The following NAV3 variants were observed in gnomAD, a reference collection of about 807,000 sequenced individuals.
The protein encoded by NAV3 is neuron navigator 3, also known as pore membrane and/or filament interacting like protein 1.
A neutral mutation model predicts 244.7 loss-of-function variants in NAV3; 87 were observed. That is an observed-to-expected ratio of 0.36 (90% CI 0.30 to 0.42). The LOEUF is 0.42. Among genes scored for constraint, NAV3 ranks in the 20% least tolerant of loss-of-function variants. NAV3 has a pLI of 1.00. For synonymous variants in NAV3, 1,126 were observed against 1,042.2 expected (o/e 1.08, Z -1.55); for missense variants, 2,663 against 2,893.3 (o/e 0.92, Z 1.83).
chr12:78,132,673 C>A (rs925962859), intron 18 of NAV3, among the ~76,000 whole-genome samples: 1 of 152,050 alleles, frequency 6.6e-6, no homozygotes, highest in Admixed American at 6.6e-5. Context: ...GTTGTTTTTC[C>A]TGTAGACTTT....
chr12:78,155,113 A>T (rs1318410184), intron 22 of NAV3, among the ~76,000 whole-genome samples: 1 of 151,972 alleles, frequency 6.6e-6, no homozygotes, highest in East Asian at 1.9e-4. Context: ...TGCACAGATC[A>T]ACTCATCGCC....
chr12:78,121,844 C>T (rs1336397450), intron 15 of NAV3, 96 bp from the exon 16 acceptor site: 2 of 1,479,278 alleles, frequency 1.4e-6, no homozygotes, highest in Non-Finnish European at 1.8e-6. Context: ...TTCAGTACAT[C>T]AAAGCACACT....
intron 8 of NAV3, among the ~76,000 whole-genome samples, chr12:78,018,215 G>A (rs1385654451): frequency 6.6e-6 from 1 of 152,080 alleles, no homozygotes. Context: ...GAGTGAGTCT[G>A]CCAAAAATAT....
At chr12:77,995,530 T>G (rs17044673) in intron 6 of NAV3, among the ~76,000 whole-genome samples, 4,108 of 152,244 alleles carry the variant, frequency 0.027, 77 homozygotes, top group Non-Finnish European at 0.042. Flanking sequence ...GCAAAAGAGT[T>G]TTATACCTCT....
intron 1 of NAV3, among the ~76,000 whole-genome samples, chr12:77,931,791 C>G (rs1375280580): frequency 6.6e-6 from 1 of 152,042 alleles, no homozygotes; most frequent in Non-Finnish European, 1.5e-5. Flanking sequence ...GGCGTGAACC[C>G]GGGAGGAGGA....
intron 5 of NAV3, among the ~76,000 whole-genome samples, chr12:77,977,510 G>T (rs1868667793): frequency 6.6e-6 from 1 of 151,992 alleles, no homozygotes. Context: ...ACTACGGTTT[G>T]GTTCTCCTCC....
intron 5 of NAV3, among the ~76,000 whole-genome samples, chr12:77,992,039 T>C: frequency 6.6e-6 from 1 of 151,826 alleles, no homozygotes; most frequent in Non-Finnish European, 1.5e-5. Context: ...AAAACGAATA[T>C]TTTATAAAGG....
intron 2 of NAV3, among the ~76,000 whole-genome samples, chr12:77,746,771 A>C (rs1444919253): frequency 6.6e-6 from 1 of 152,152 alleles, no homozygotes; most frequent in Non-Finnish European, 1.5e-5. Context: ...TGATTCAAAG[A>C]AGTAGCCAAC....
chr12:77,902,854 C>T (rs1325417021), intron 1 of NAV3, among the ~76,000 whole-genome samples: 2 of 152,052 alleles, frequency 1.3e-5, no homozygotes, highest in Non-Finnish European at 2.9e-5. Context: ...CAATAGCAGA[C>T]AAACAGAGAG....
At chr12:77,694,678 A>G (rs1255827879) in intron 2 of NAV3, among the ~76,000 whole-genome samples, 1 of 152,182 alleles carries the variant, frequency 6.6e-6, no homozygotes, top group Non-Finnish European at 1.5e-5. Context: ...TCAAAAAAGT[A>G]TTCTGACATT....
chr12:78,128,015 A>G (rs1360843821), intron 17 of NAV3, among the ~76,000 whole-genome samples: 2 of 152,172 alleles, frequency 1.3e-5, no homozygotes, highest in Non-Finnish European at 2.9e-5. Context: ...TTTTGGTGCT[A>G]AGAATTTACT....
intron 26 of NAV3, 45 bp downstream of exon 26, chr12:78,176,504 C>G: frequency 6.2e-7 from 1 of 1,603,592 alleles, no homozygotes; most frequent in Non-Finnish European, 8.5e-7. Context: ...TATAAAAAAA[C>G]CCTACCTTGG....
chr12:77,838,176 G>A (rs553956746), intron 1 of NAV3, among the ~76,000 whole-genome samples: 1 of 152,258 alleles, frequency 6.6e-6, no homozygotes, highest in South Asian at 2.1e-4. Context: ...AACTCTCCAG[G>A]TTTCACAGTT....
intron 14 of NAV3, 79 bp downstream of exon 14, chr12:78,118,376 A>C: frequency 1.3e-6 from 2 of 1,491,042 alleles, no homozygotes; most frequent in Non-Finnish European, 1.8e-6. Context: ...TTCTCTAACA[A>C]TAGCATTTCT....
Position 77,665,650 on chromosome 12 carries a change from T to C in NAV3, c.72+93384T>C, listed in dbSNP as rs1325675343. On this transcript the variant is annotated intron_variant, in intron 2 of 8. Transcript: ENST00000550042. ...TAAATATAAACTATTAAACATCTAC[T>C]TTATACCAGGCTTAAAGCATCATTT... is the stretch of plus-strand genomic sequence containing the variant. Among the ~76,000 whole-genome samples, 8 of 152,164 alleles carry C rather than the reference T, an allele frequency of 5.3e-5. No individual in the cohort carries two copies. The South Asian group carries it at 1.7e-3, about 31-fold the overall frequency.
intron 1 of NAV3, among the ~76,000 whole-genome samples, chr12:77,842,360 C>A (rs774901186): frequency 6.6e-6 from 1 of 151,946 alleles, no homozygotes; most frequent in Non-Finnish European, 1.5e-5. Context: ...ATCCTGAAAG[C>A]AGGTCTCTCT....
intron 3 of NAV3, among the ~76,000 whole-genome samples, chr12:77,962,888 G>T (rs1593132329): frequency 6.6e-6 from 1 of 152,038 alleles, no homozygotes; most frequent in Admixed American, 6.6e-5. Context: ...TGCATATTGG[G>T]TTGTGCTATT....
At chr12:78,027,985 G>A (rs1878367880) in intron 9 of NAV3, among the ~76,000 whole-genome samples, 2 of 151,776 alleles carry the variant, frequency 1.3e-5, no homozygotes, top group Admixed American at 6.6e-5. Context: ...TTTTTTTATA[G>A]CACAGAAAGT....
At chr12:77,853,629 A>G (rs576396780) in intron 1 of NAV3, among the ~76,000 whole-genome samples, 2 of 152,322 alleles carry the variant, frequency 1.3e-5, no homozygotes, top group Admixed American at 1.3e-4. Context: ...ATACACAATA[A>G]AACAGGCAGA....
Sources: gnomAD v4.1 joint callset for allele counts (sites outside exome capture counted in the v4.1 genomes callset) on GRCh38, gnomAD v4.1.1 for gene constraint, MANE v1.5 for transcripts, NCBI Gene and HGNC (gene_info 2026-07-23, HGNC 2026-07-21) for gene names.